SPTY2D1: variants seen among roughly 807,000 people sequenced by gnomAD.
SPTY2D1 encodes SPT2 chromatin protein domain containing 1.
A neutral mutation model predicts 64.0 loss-of-function variants in SPTY2D1; 21 were observed. That is an observed-to-expected ratio of 0.33 (90% CI 0.23 to 0.47). The LOEUF (loss-of-function observed/expected upper bound fraction) is 0.47. Among genes scored for constraint, SPTY2D1 ranks in the 20% least tolerant of loss-of-function variants. The probability of loss-of-function intolerance (pLI) is 1.00; values close to 1 mark genes in which losing one functional copy is unlikely to be tolerated. For synonymous variants in SPTY2D1, 287 were observed against 286.8 expected, an observed-to-expected ratio of 1.00 and a Z score of -0.01; for missense variants, 724 against 837.2, an observed-to-expected ratio of 0.86 and a Z score of 1.67.
intron 1 of SPTY2D1, among the ~76,000 whole-genome samples, chr11:18,618,751 T>C (rs79804264): frequency 0.028 from 4,224 of 152,318 alleles, 106 homozygotes; most frequent in Non-Finnish European, 0.037. Flanking sequence ...AACCAAAAGA[T>C]ATGTGCTTAC....
chr11:18,626,039 C>G (rs1308881229), intron 1 of SPTY2D1, among the ~76,000 whole-genome samples: 2 of 152,032 alleles, frequency 1.3e-5, no homozygotes, highest in African/African-American at 4.8e-5. Context: ...AGGTTGGTCT[C>G]GAACGCCTGA....
chr11:18,633,582 G>C (rs1854622552), intron 1 of SPTY2D1, among the ~76,000 whole-genome samples: 1 of 152,202 alleles, frequency 6.6e-6, no homozygotes, highest in South Asian at 2.1e-4. Flanking sequence ...GTAAACAGAA[G>C]CTGAAACTAG....
intron 1 of SPTY2D1, among the ~76,000 whole-genome samples, chr11:18,621,311 T>C (rs1264117882): frequency 9.0e-6 from 1 of 110,870 alleles, no homozygotes; most frequent in Non-Finnish European, 1.8e-5. Context: ...AGTGAAACTC[T>C]GTCTCAAAAA....
Position 18,615,469 on chromosome 11 carries a change from T to C in SPTY2D1, c.805A>G (p.Met269Val). The change falls in exon 3 of 6, where the codon ATG (methionine) becomes GTG (valine). Residue 269 changes from methionine (M) to valine (V), a missense_variant. This residue lies in a region of SPTY2D1 where 426 missense variants were observed against 431.8 expected (regional missense o/e 0.99). Transcript: ENST00000336349. ...PHAEKKSRPSMANEKHLALSS... is the reference protein window; with the variant it reads ...PHAEKKSRPSVANEKHLALSS... ...AAAGCGAGGTGTTTCTCATTGGCCATGCTGGGTCTTGATTTCTTCTCAGCA... is the reference window on the plus strand; with the variant it reads ...AAAGCGAGGTGTTTCTCATTGGCCACGCTGGGTCTTGATTTCTTCTCAGCA... 6.2e-7 allele frequency: 1 copy of C among 1,614,214 alleles called. No individual in the cohort carries two copies. The highest frequency in any genetic ancestry group is 8.5e-7 in the Non-Finnish European group (1 of 1,180,042).
chr11:18,614,186 A>G (rs1282120971), intron 3 of SPTY2D1, among the ~76,000 whole-genome samples: 2 of 152,190 alleles, frequency 1.3e-5, no homozygotes, highest in Admixed American at 6.5e-5. Flanking sequence ...TATTTTGGGA[A>G]GCTGAGGAAG....
At position 18,614,899 on chromosome 11, in the gene SPTY2D1, A is replaced by G. The variant is rs768699650; in HGVS notation, c.1375T>C (p.Leu459=). ...ISGSVSSARP[L]GSSRGPGRPV... is the part of the protein sequence containing the mutation. The stretch of plus-strand genomic sequence containing the variant: ...CGGCCAGGGCCACGAGAGCTGCCCA[A>G]GGGTCTTGCAGAACTAACTGAACCA... Residue 459 remains leucine, a synonymous_variant, in exon 3 of 6, where the codon TTG becomes CTG. Coordinates refer to ENST00000336349, the MANE Select transcript of SPTY2D1 (RefSeq NM_194285.3). The G allele has an allele frequency of 5.0e-6, 8 of 1,613,254 alleles. No homozygotes were observed. Among genetic ancestry groups the G allele is most frequent in the South Asian group, 2.2e-5 (2 of 91,060 alleles).
intron 1 of SPTY2D1, among the ~76,000 whole-genome samples, chr11:18,628,224 C>T (rs1335446422): frequency 6.6e-6 from 1 of 152,190 alleles, no homozygotes; most frequent in African/African-American, 2.4e-5. Context: ...CAGACCTTGC[C>T]TATATAAAAG....
At chr11:18,621,482 C>CT (rs34451857) in intron 1 of SPTY2D1, among the ~76,000 whole-genome samples, 11 of 152,064 alleles carry the variant, frequency 7.2e-5, no homozygotes, top group East Asian at 5.8e-4. Flanking sequence ...CTACTTTTAG[C>CT]TTTTTTTCAA....
intron 1 of SPTY2D1, among the ~76,000 whole-genome samples, chr11:18,627,943 G>T (rs1326190787): frequency 1.3e-5 from 2 of 152,118 alleles, no homozygotes; most frequent in East Asian, 1.9e-4. Flanking sequence ...AGCTACTCGG[G>T]AGTCTGAGGC....
At chr11:18,632,940 C>A (rs561298403) in intron 1 of SPTY2D1, among the ~76,000 whole-genome samples, 2 of 152,060 alleles carry the variant, frequency 1.3e-5, no homozygotes, top group Non-Finnish European at 2.9e-5. Context: ...GGTTACTAGA[C>A]CCAATATTGA....
At chr11:18,629,237 G>C (rs1343394960) in intron 1 of SPTY2D1, among the ~76,000 whole-genome samples, 4 of 152,058 alleles carry the variant, frequency 2.6e-5, no homozygotes, top group Admixed American at 2.0e-4. Flanking sequence ...GTGGTGGCTC[G>C]CGCCTGTAAT....
chr11:18,616,701 T>C (rs576138102), intron 2 of SPTY2D1, among the ~76,000 whole-genome samples, 174 bp downstream of exon 2: 1 of 151,084 alleles, frequency 6.6e-6, no homozygotes, highest in East Asian at 2.0e-4. Context: ...AGGTAACATA[T>C]GTAAAGCCAT....
At chr11:18,624,595 T>C (rs1307923912) in intron 1 of SPTY2D1, among the ~76,000 whole-genome samples, 1 of 152,232 alleles carries the variant, frequency 6.6e-6, no homozygotes, top group Non-Finnish European at 1.5e-5. Flanking sequence ...CTTTAAAACA[T>C]ATCTGTTCCT....
At chr11:18,621,208 T>C (rs574394540) in intron 1 of SPTY2D1, among the ~76,000 whole-genome samples, 14 of 150,996 alleles carry the variant, frequency 9.3e-5, no homozygotes, top group South Asian at 8.4e-4. Context: ...GAGGCAGTAA[T>C]TGCTTGAACC....
At chr11:18,614,204 T>A (rs547865449) in intron 3 of SPTY2D1, among the ~76,000 whole-genome samples, 1 of 152,268 alleles carries the variant, frequency 6.6e-6, no homozygotes, top group Non-Finnish European at 1.5e-5. Flanking sequence ...AAGGCGGATC[T>A]CTGAGCCCCG....
chr11:18,609,519 T>G lies in SPTY2D1; in HGVS notation c.*342A>C, dbSNP rs1317729874. On this transcript the variant is annotated 3_prime_UTR_variant, in exon 6 of 6. Transcript: ENST00000336349. ...ATTACAGAAATCAAGAGACAACCTTTTTTTTCCTTTCAAAGTAGCAAAGGA... is the reference window on the plus strand; with the variant it reads ...ATTACAGAAATCAAGAGACAACCTTGTTTTTCCTTTCAAAGTAGCAAAGGA... 3 of 227,416 alleles carry G rather than the reference T, an allele frequency of 1.3e-5. No homozygotes were observed. The highest frequency in any genetic ancestry group is 6.9e-5 in the African/African-American group (3 of 43,610). 14.1% of individuals were successfully genotyped at this position (227,416 alleles called of 1,614,324 possible). A position where few individuals can be genotyped will look rare whatever the true frequency, so the allele number is the denominator to read the frequency against.
At position 18,614,652 on chromosome 11, in the gene SPTY2D1, G is replaced by C; in HGVS notation, c.1622C>G (p.Thr541Arg). The change falls in exon 3 of 6, where the codon ACA becomes AGA. Residue 541 changes from threonine to arginine, a missense_variant. This residue lies in a region of SPTY2D1 where 426 missense variants were observed against 431.8 expected (regional missense o/e 0.99). Transcript: ENST00000336349. Reference protein sequence around the residue: ...IKPKCTVVSETISSKNIISRS... With the variant: ...IKPKCTVVSERISSKNIISRS... The stretch of plus-strand genomic sequence containing the variant: ...GCTAATGATATTCTTGGAAGAAATT[G>C]TTTCGGAGACAACAGTGCACTTAGG... 6.2e-7 allele frequency: 1 copy of C among 1,614,258 alleles called. No individual in the cohort carries two copies. Among genetic ancestry groups the C allele is most frequent in the Non-Finnish European group, 8.5e-7 (1 of 1,180,042 alleles).
At chr11:18,619,077 G>A (rs1854348414) in intron 1 of SPTY2D1, among the ~76,000 whole-genome samples, 1 of 152,102 alleles carries the variant, frequency 6.6e-6, no homozygotes, top group Non-Finnish European at 1.5e-5. Flanking sequence ...GAAAGGGAGA[G>A]GAGAAAGGAG....
In SPTY2D1 at chr11:18,615,462, T is replaced by C. The variant is rs147239981; in HGVS notation, c.812A>G (p.Asn271Ser). The change falls in exon 3 of 6, where the codon AAT becomes AGT. Residue 271 changes from asparagine (N) to serine (S), a missense_variant. Around this residue, in one of 3 missense-constraint regions of SPTY2D1, gnomAD observed 426 missense variants for 431.8 expected, o/e 0.99. Transcript: ENST00000336349. ...AEKKSRPSMA[N>S]EKHLALSSSK... The stretch of plus-strand genomic sequence containing the variant: ...TGAAGACAAAGCGAGGTGTTTCTCA[T>C]TGGCCATGCTGGGTCTTGATTTCTT... 1.0e-3 allele frequency: 1,607 copies of C among 1,614,192 alleles called. 8 individuals carry two copies. The highest frequency in any genetic ancestry group is 9.4e-4 in the Non-Finnish European group (1,115 of 1,180,046).
Sources: gnomAD v4.1 joint callset for allele counts (sites outside exome capture counted in the v4.1 genomes callset) on GRCh38, gnomAD v4.1.1 for gene constraint, gnomAD v4.1.1 regional missense constraint, MANE v1.5 for transcripts, NCBI Gene and HGNC (gene_info 2026-07-23, HGNC 2026-07-21) for gene names.